SCAPER: variants seen among roughly 807,000 people sequenced by gnomAD.
SCAPER encodes the protein S-phase cyclin A associated protein in the ER, also known as S phase cyclin A-associated protein in the endoplasmic reticulum.
A neutral mutation model predicts 182.2 loss-of-function variants in SCAPER; 98 were observed. The observed-to-expected ratio is 0.54, with a 90% CI of 0.46 to 0.64. The LOEUF (loss-of-function observed/expected upper bound fraction) is 0.64, where lower values mean the gene tolerates loss of function less well. SCAPER is among the 30% of genes least tolerant of loss of function. The probability of loss-of-function intolerance (pLI) is 0.00; values close to 1 mark genes in which losing one functional copy is unlikely to be tolerated. For synonymous variants in SCAPER, 605 were observed against 564.6 expected, an observed-to-expected ratio of 1.07 and a Z score of -1.01; for missense variants, 1,432 against 1,690.0, an observed-to-expected ratio of 0.85 and a Z score of 2.68.
chr15:76,555,422 A>T (rs936713154), intron 23 of SCAPER, among the ~76,000 whole-genome samples: 1 of 152,226 alleles, frequency 6.6e-6, no homozygotes, highest in Non-Finnish European at 1.5e-5. Context: ...TGCCCCAATT[A>T]AAAGGCATAG....
chr15:76,455,544 C>T (rs2048665020), intron 25 of SCAPER, among the ~76,000 whole-genome samples: 1 of 152,164 alleles, frequency 6.6e-6, no homozygotes, highest in African/African-American at 2.4e-5. Context: ...CAGGTGTTAT[C>T]ATAATGCACC....
At chr15:76,590,109 T>C (rs1370566542) in intron 22 of SCAPER, among the ~76,000 whole-genome samples, 3 of 152,214 alleles carry the variant, frequency 2.0e-5, no homozygotes, top group African/African-American at 7.2e-5. Flanking sequence ...GGTATATTCC[T>C]GCAGTAGTTC....
At chr15:76,501,582 G>A (rs1274087955) in intron 24 of SCAPER, among the ~76,000 whole-genome samples, 1 of 152,224 alleles carries the variant, frequency 6.6e-6, no homozygotes, top group Non-Finnish European at 1.5e-5. Flanking sequence ...CAGGGTAACT[G>A]TTATGAGACA....
intron 16 of SCAPER, among the ~76,000 whole-genome samples, chr15:76,730,930 G>A (rs960452496): frequency 5.9e-5 from 9 of 152,092 alleles, no homozygotes; most frequent in South Asian, 2.1e-4. Context: ...ATAACTGGAC[G>A]TAAAAAGTTA....
At chr15:76,376,086 C>T in intron 29 of SCAPER, 76 bp downstream of exon 29, 1 of 1,566,408 alleles carries the variant, frequency 6.4e-7, no homozygotes, top group Non-Finnish European at 8.7e-7. Flanking sequence ...GCCCGCTAGC[C>T]TGCCTTTTCT....
chr15:76,487,810 T>C (rs934156894), intron 24 of SCAPER, among the ~76,000 whole-genome samples: 4 of 152,200 alleles, frequency 2.6e-5, no homozygotes, highest in African/African-American at 9.6e-5. Context: ...TCTTGATCCT[T>C]TGACTTAACT....
rs1228897284 is a variant in SCAPER at position 76,434,122 on chromosome 15, G to A, written c.3267C>T (p.Pro1089=). The A allele has an allele frequency of 2.5e-6, 4 of 1,613,846 alleles. No individual in the cohort carries two copies. Among genetic ancestry groups the A allele is most frequent in the Non-Finnish European group, 3.4e-6 (4 of 1,179,890 alleles). The change falls in exon 26 of 32, where the codon CCC becomes CCT. Residue 1089 remains proline (P), a synonymous_variant. Coordinates refer to ENST00000563290, the MANE Select transcript of SCAPER (RefSeq NM_020843.4). ...KIPTQEMKNK[P]SQGDPFNNRV... Reference sequence around the variant, plus strand: ...GATTGTTAAAAGGATCACCTTGTGAGGGTTTGTTTTTCATTTCCTGTGTTG... The same window carrying A: ...GATTGTTAAAAGGATCACCTTGTGAAGGTTTGTTTTTCATTTCCTGTGTTG...
intron 4 of SCAPER, among the ~76,000 whole-genome samples, chr15:76,843,078 CCCTA>C (rs1361867096): frequency 8.5e-5 from 13 of 152,322 alleles, no homozygotes; most frequent in Non-Finnish European, 1.5e-4. Context: ...TACCATTCAT[CCCTA>C]CCTGTTTATG....
At chr15:76,652,371 C>CACACACACACACATAT (rs764864981) in intron 21 of SCAPER, among the ~76,000 whole-genome samples, 1 of 8,060 alleles carries the variant, frequency 1.2e-4, no homozygotes, top group African/African-American at 5.2e-4. Context: ...CACACACACA[C>CACACACACACACATAT]ATATATATAT....
At position 76,740,053 on chromosome 15, in the gene SCAPER, C is replaced by T. The variant is rs191235397; in HGVS notation, c.1867-6669G>A. 7.9e-5 allele frequency among the ~76,000 whole-genome samples: 12 copies of T among 152,238 alleles called. No homozygotes were observed. In the East Asian group the frequency reaches 1.7e-3, roughly 22 times the overall value. ...TTGTGGCACATGCCTATAGTCCCAG[C>T]CACTCAAAAGACTGACTCAGTAAGA... is the stretch of plus-strand genomic sequence containing the variant. On this transcript the variant is annotated intron_variant, in intron 15 of 31. Transcript: ENST00000563290.
chr15:76,534,013 T>C (rs1257822459), intron 23 of SCAPER, among the ~76,000 whole-genome samples: 1 of 152,258 alleles, frequency 6.6e-6, no homozygotes, highest in East Asian at 1.9e-4. Context: ...AAAAGATTAA[T>C]TCAGAGCAAT....
At chr15:76,393,751 T>TA (rs375897066) in intron 27 of SCAPER, among the ~76,000 whole-genome samples, 8 of 152,298 alleles carry the variant, frequency 5.3e-5, no homozygotes, top group African/African-American at 9.6e-5. Context: ...GGCTGAGTCA[T>TA]AAAAGGTGAT....
At chr15:76,887,184 G>T (rs182191939) in intron 1 of SCAPER, among the ~76,000 whole-genome samples, 2 of 152,150 alleles carry the variant, frequency 1.3e-5, no homozygotes, top group African/African-American at 2.4e-5. Context: ...GTCTGAGTCC[G>T]TTCCAAGATG....
At chr15:76,530,993 G>A (rs12324826) in intron 23 of SCAPER, among the ~76,000 whole-genome samples, 1,628 of 151,158 alleles carry the variant, frequency 0.011, 39 homozygotes, top group African/African-American at 0.037. Flanking sequence ...GAATATACAC[G>A]TGTATATATA....
chr15:76,406,315 T>C (rs1359177077), intron 26 of SCAPER, among the ~76,000 whole-genome samples: 1 of 151,690 alleles, frequency 6.6e-6, no homozygotes, highest in African/African-American at 2.4e-5. Context: ...CTGTCTCTAC[T>C]AAAAATACAA....
intron 21 of SCAPER, among the ~76,000 whole-genome samples, chr15:76,623,801 A>G (rs1298595555): frequency 6.6e-6 from 1 of 152,216 alleles, no homozygotes; most frequent in African/African-American, 2.4e-5. Context: ...TTGATAAACA[A>G]AGACCATATG....
At chr15:76,698,966 T>C (rs1339454305) in intron 20 of SCAPER, among the ~76,000 whole-genome samples, 1 of 152,234 alleles carries the variant, frequency 6.6e-6, no homozygotes, top group Admixed American at 6.5e-5. Context: ...TTCTCATCTG[T>C]AGACATCTTT....
intron 8 of SCAPER, among the ~76,000 whole-genome samples, chr15:76,791,145 A>G (rs1001217347): frequency 2.0e-5 from 3 of 152,238 alleles, no homozygotes; most frequent in Non-Finnish European, 4.4e-5. Flanking sequence ...CACTGTGATC[A>G]GCAACAAACA....
chr15:76,826,623 G>A (rs972297896), intron 5 of SCAPER, among the ~76,000 whole-genome samples: 2 of 148,900 alleles, frequency 1.3e-5, no homozygotes, highest in African/African-American at 5.0e-5. Context: ...AACCCAAGTC[G>A]ACATCCATAG....
Sources: allele counts gnomAD v4.1 joint callset (sites outside exome capture counted in the v4.1 genomes callset), GRCh38; gene constraint gnomAD v4.1.1; transcripts MANE v1.5; gene names NCBI Gene and HGNC (gene_info 2026-07-23, HGNC 2026-07-21).